The following FGD6 variants were observed in gnomAD, a reference collection of about 807,000 sequenced individuals.
FGD6 encodes FYVE, RhoGEF and PH domain-containing protein 6.
In FGD6, 90 loss-of-function variants were observed where a neutral mutation model predicts 149.4. The observed-to-expected ratio is 0.60, with a 90% CI of 0.51 to 0.72. The LOEUF (loss-of-function observed/expected upper bound fraction) is 0.72, where lower values mean the gene tolerates loss of function less well. FGD6 is among the 30% of genes least tolerant of loss of function. The pLI, the probability that FGD6 is intolerant of heterozygous loss-of-function variation, is 0.00. For missense variants in FGD6, 1,437 were observed against 1,684.8 expected, an observed-to-expected ratio of 0.85 and a Z score of 2.57; for synonymous variants, 527 against 584.0, an observed-to-expected ratio of 0.90 and a Z score of 1.41.
intron 8 of FGD6, among the ~76,000 whole-genome samples, chr12:95,117,300 C>G (rs548776140): frequency 6.6e-6 from 1 of 152,288 alleles, no homozygotes; most frequent in Non-Finnish European, 1.5e-5. Context: ...TCTCTGGCCA[C>G]CAGGTGGCAT....
At chr12:95,127,061 T>C (rs1237888722) in intron 8 of FGD6, among the ~76,000 whole-genome samples, 1 of 152,186 alleles carries the variant, frequency 6.6e-6, no homozygotes, top group Non-Finnish European at 1.5e-5. Context: ...TCAGACACCT[T>C]TGGGCTCGTC....
chr12:95,182,834 A>T (rs1409129672), intron 2 of FGD6, among the ~76,000 whole-genome samples: 1 of 152,224 alleles, frequency 6.6e-6, no homozygotes, highest in Non-Finnish European at 1.5e-5. Context: ...ACTACTCGAG[A>T]GGGGCAAGAC....
chr12:95,119,313 A>C, intron 8 of FGD6, among the ~76,000 whole-genome samples: 1 of 152,326 alleles, frequency 6.6e-6, no homozygotes, highest in Middle Eastern at 3.4e-3. Flanking sequence ...ATAAAATAAA[A>C]AATGAAAAAT....
rs778654127 is a variant in FGD6, at chr12:95,172,728, C to T, written c.2458G>A (p.Glu820Lys). 1.2e-6 allele frequency: 2 copies of T among 1,610,714 alleles called. No homozygotes were observed. The highest frequency in any genetic ancestry group is 1.7e-4 in the Middle Eastern group (1 of 6,046). ...CCAAGACCAAGATCATTCTGTTCCT[C>T]CTGGGATGCTCCTGAACTGCATTCA... The part of the protein sequence containing the change: ...HQHSSSGASQ[E>K]EQNDLGLGDL... Residue 820 changes from glutamate (E) to lysine (K), a missense_variant, in exon 3 of 21, where the codon GAG becomes AAG. Transcript: ENST00000343958.
intron 3 of FGD6, among the ~76,000 whole-genome samples, chr12:95,169,290 A>G (rs1880918739): frequency 6.6e-6 from 1 of 152,192 alleles, no homozygotes; most frequent in African/African-American, 2.4e-5. Flanking sequence ...CTGTAACACA[A>G]TCACATAAAG....
At chr12:95,111,842 T>C (rs1328203579) in intron 9 of FGD6, among the ~76,000 whole-genome samples, 2 of 152,094 alleles carry the variant, frequency 1.3e-5, no homozygotes, top group East Asian at 3.9e-4. Context: ...AAACAGAAGA[T>C]GTTAAGAGAA....
At chr12:95,099,958 C>T (rs1430937661) in intron 14 of FGD6, among the ~76,000 whole-genome samples, 1 of 151,818 alleles carries the variant, frequency 6.6e-6, no homozygotes, top group African/African-American at 2.4e-5. Context: ...CATACTATAC[C>T]CTTTCCTGCC....
chr12:95,172,267 T>C (rs1037242066), intron 3 of FGD6, among the ~76,000 whole-genome samples: 1 of 152,048 alleles, frequency 6.6e-6, no homozygotes, highest in East Asian at 1.9e-4. Context: ...TGCCAGGCAC[T>C]TGGGATGCTG....
Position 95,209,947 on chromosome 12 carries a change from A to G in FGD6, c.1337T>C (p.Phe446Ser), listed in dbSNP as rs534742152. The G allele has an allele frequency of 4.0e-5, 65 of 1,612,172 alleles. 1 individual carries two copies. The South Asian group carries it at 6.7e-4, about 17-fold the overall frequency. The change falls in exon 2 of 21, where the codon TTT becomes TCT. Residue 446 changes from phenylalanine (F) to serine (S), a missense_variant. Around this residue, in one of 2 missense-constraint regions of FGD6, gnomAD observed 1,055 missense variants for 1,146.0 expected, o/e 0.92. Transcript: ENST00000343958. ...MSLAVDEGTG[F>S]IRCTVSMSLP... Reference sequence around the variant, plus strand: ...GCTCATAGATACAGTACATCTTATAAAACCGGTCCCTTCGTCCACAGCAAG... The same window carrying G: ...GCTCATAGATACAGTACATCTTATAGAACCGGTCCCTTCGTCCACAGCAAG...
chr12:95,135,914 C>T (rs1306239237), intron 7 of FGD6, among the ~76,000 whole-genome samples: 1 of 152,188 alleles, frequency 6.6e-6, no homozygotes, highest in African/African-American at 2.4e-5. Flanking sequence ...CTGGGTCAAT[C>T]ATCAGTTGCC....
At chr12:95,174,840 T>C (rs1002935450) in intron 2 of FGD6, among the ~76,000 whole-genome samples, 2 of 140,014 alleles carry the variant, frequency 1.4e-5, no homozygotes, top group African/African-American at 2.7e-5. Context: ...AGGCAGAGAA[T>C]GGCGTGAACC....
intron 17 of FGD6, 92 bp downstream of exon 17, chr12:95,091,615 G>A: frequency 1.4e-6 from 1 of 716,926 alleles, no homozygotes; most frequent in Non-Finnish European, 2.3e-6. Context: ...CAATCATATT[G>A]CTAATGTACC....
intron 2 of FGD6, among the ~76,000 whole-genome samples, chr12:95,176,310 T>C (rs963622543): frequency 6.6e-6 from 1 of 152,230 alleles, no homozygotes; most frequent in Admixed American, 6.5e-5. Context: ...TTCTGTTTAT[T>C]TCCTTCCCAC....
At chr12:95,097,348 A>C (rs980411127) in intron 14 of FGD6, among the ~76,000 whole-genome samples, 2 of 152,118 alleles carry the variant, frequency 1.3e-5, no homozygotes, top group Non-Finnish European at 2.9e-5. Context: ...CAAGGGTTAA[A>C]AACCTGGCCG....
intron 8 of FGD6, among the ~76,000 whole-genome samples, chr12:95,125,574 T>C (rs1354112008): frequency 2.0e-5 from 3 of 152,186 alleles, no homozygotes; most frequent in African/African-American, 4.8e-5. Context: ...AGGTTGAAGC[T>C]GCAGTAAGCC....
At chr12:95,204,123 C>A (rs1322129915) in intron 2 of FGD6, among the ~76,000 whole-genome samples, 2 of 152,158 alleles carry the variant, frequency 1.3e-5, no homozygotes, top group Non-Finnish European at 2.9e-5. Flanking sequence ...TCAGAATAAT[C>A]CAGAGTGGCT....
At chr12:95,105,994 A>T (rs1316459045) in intron 13 of FGD6, among the ~76,000 whole-genome samples, 1 of 152,192 alleles carries the variant, frequency 6.6e-6, no homozygotes, top group Admixed American at 6.5e-5. Flanking sequence ...TGGGTAACAG[A>T]GTGAGACTCT....
intron 3 of FGD6, among the ~76,000 whole-genome samples, chr12:95,171,879 C>T (rs1880998473): frequency 6.6e-6 from 1 of 152,110 alleles, no homozygotes; most frequent in African/African-American, 2.4e-5. Context: ...TCCCCCCAAA[C>T]TCATACACAC....
rs2056710301 is a variant in FGD6, at chr12:95,209,330, T to C, written c.1954A>G (p.Ser652Gly). Residue 652 changes from serine (S) to glycine (G), a missense_variant, in exon 2 of 21, where the codon AGC becomes GGC. Physicochemically the swap from Ser to Gly is moderately conservative, Grantham distance 56 (BLOSUM62 0). This residue lies in a region of FGD6 where 1,055 missense variants were observed against 1,146.0 expected (regional missense o/e 0.92). Coordinates refer to ENST00000343958, the MANE Select transcript of FGD6 (RefSeq NM_018351.4). Reference sequence around the variant, plus strand: ...CCTGTGGTGGTGTCTCCGAGTTGGCTACTCTTGGACCAAAATTTTTGAAAG... The same window carrying C: ...CCTGTGGTGGTGTCTCCGAGTTGGCCACTCTTGGACCAAAATTTTTGAAAG... The part of the protein sequence containing the change: ...SDFQKFWSKS[S>G]QLGDTTTGHL... 1.2e-6 allele frequency: 2 copies of C among 1,613,342 alleles called. No homozygotes were observed. Among genetic ancestry groups the C allele is most frequent in the African/African-American group, 2.7e-5 (2 of 74,870 alleles).
Sources: gnomAD v4.1 joint callset for allele counts (sites outside exome capture counted in the v4.1 genomes callset) on GRCh38, gnomAD v4.1.1 for gene constraint, gnomAD v4.1.1 regional missense constraint, MANE v1.5 for transcripts, NCBI Gene and HGNC (gene_info 2026-07-23, HGNC 2026-07-21) for gene names.